RALYL: variants seen among roughly 807,000 people sequenced by gnomAD.
The protein encoded by RALYL is RNA-binding Raly-like protein.
RALYL carries 29 observed loss-of-function variants against 35.1 expected under a neutral mutation model. That is an observed-to-expected ratio of 0.83 (90% CI 0.61 to 1.13). The LOEUF is 1.13. Ranked by LOEUF, RALYL falls within the 50% of genes most tolerant of loss-of-function variation. The pLI is 0.00. For missense variants in RALYL, 359 were observed against 360.4 expected (o/e 1.00, Z 0.03); for synonymous variants, 120 against 127.6 (o/e 0.94, Z 0.40).
intron 2 of RALYL, among the ~76,000 whole-genome samples, chr8:84,762,351 T>A (rs1322239149): frequency 1.3e-5 from 2 of 152,198 alleles, no homozygotes; most frequent in Non-Finnish European, 2.9e-5. Context: ...ATCTTAGATC[T>A]TTTGTATTTC....
intron 1 of RALYL, among the ~76,000 whole-genome samples, chr8:84,404,806 T>A (rs540475020): frequency 1.7e-4 from 26 of 152,000 alleles, no homozygotes; most frequent in African/African-American, 5.8e-4. Context: ...GGTCCAGAAG[T>A]TTTTTTTGGC....
intron 1 of RALYL, among the ~76,000 whole-genome samples, chr8:84,304,105 AG>A (rs1190023376): frequency 6.6e-6 from 1 of 151,772 alleles, no homozygotes; most frequent in Non-Finnish European, 1.5e-5. Context: ...TATTTTTTAA[AG>A]TTTTGTTTGT....
intron 4 of RALYL, among the ~76,000 whole-genome samples, chr8:84,825,782 C>G (rs537250920): frequency 6.6e-6 from 1 of 152,054 alleles, no homozygotes. Context: ...GCAGGAGAAC[C>G]GCTTGAACCC....
At chr8:84,295,043 T>C (rs888646121) in intron 1 of RALYL, among the ~76,000 whole-genome samples, 6 of 152,110 alleles carry the variant, frequency 3.9e-5, no homozygotes, top group African/African-American at 1.4e-4. Context: ...TCCCCAGATA[T>C]TACCTACAGA....
intron 1 of RALYL, among the ~76,000 whole-genome samples, chr8:84,198,128 C>A (rs1026789852): frequency 2.0e-5 from 3 of 152,056 alleles, no homozygotes; most frequent in African/African-American, 7.2e-5. Context: ...TTTTGAGGAA[C>A]TTTCACTACA....
At chr8:84,189,290 C>A (rs938944466) in intron 1 of RALYL, among the ~76,000 whole-genome samples, 5 of 152,172 alleles carry the variant, frequency 3.3e-5, no homozygotes, top group African/African-American at 1.2e-4. Context: ...TTCCATTTAA[C>A]TCACTAATAT....
chr8:84,218,148 A>G (rs1475147881), intron 1 of RALYL, among the ~76,000 whole-genome samples: 3 of 152,102 alleles, frequency 2.0e-5, no homozygotes, highest in Admixed American at 2.0e-4. Flanking sequence ...ATTGTTGGCA[A>G]GTAGAGAGAC....
chr8:84,734,821 T>G (rs1208012348), intron 2 of RALYL, among the ~76,000 whole-genome samples: 2 of 151,602 alleles, frequency 1.3e-5, no homozygotes, highest in Non-Finnish European at 1.5e-5. Context: ...AGTAAAGGAG[T>G]TATGATAAGG....
At chr8:84,248,913 C>A (rs1314404815) in intron 1 of RALYL, among the ~76,000 whole-genome samples, 2 of 151,992 alleles carry the variant, frequency 1.3e-5, no homozygotes, top group Non-Finnish European at 2.9e-5. Context: ...TGAAATACCT[C>A]AAACATAAAT....
chr8:84,197,691 G>C (rs1586096261), intron 1 of RALYL, among the ~76,000 whole-genome samples: 1 of 151,926 alleles, frequency 6.6e-6, no homozygotes, highest in East Asian at 1.9e-4. Flanking sequence ...CTCTCAGGGA[G>C]GCAAGAGGCG....
intron 4 of RALYL, among the ~76,000 whole-genome samples, chr8:84,836,925 C>T (rs1832138467): frequency 6.6e-6 from 1 of 152,166 alleles, no homozygotes; most frequent in Non-Finnish European, 1.5e-5. Context: ...AGAATAATCT[C>T]CATAAAACAT....
At chr8:84,899,139 CTTTTA>C (rs1415571453) in intron 8 of RALYL, among the ~76,000 whole-genome samples, 1 of 152,106 alleles carries the variant, frequency 6.6e-6, no homozygotes, top group Non-Finnish European at 1.5e-5. Flanking sequence ...CCCATTCTAC[CTTTTA>C]TTTTGTCTGT....
intron 3 of RALYL, among the ~76,000 whole-genome samples, chr8:84,800,007 T>C (rs192746215): frequency 6.6e-6 from 1 of 152,222 alleles, no homozygotes; most frequent in Admixed American, 6.5e-5. Flanking sequence ...GTAAATTTAG[T>C]TTGAGATATG....
At chr8:84,551,003 A>AT (rs1198056152) in intron 2 of RALYL, among the ~76,000 whole-genome samples, 1 of 152,064 alleles carries the variant, frequency 6.6e-6, no homozygotes, top group Non-Finnish European at 1.5e-5. Context: ...CATAAACAAG[A>AT]TTTTTTAAGG....
At chr8:84,572,791 A>G (rs568927886) in intron 2 of RALYL, among the ~76,000 whole-genome samples, 2 of 151,934 alleles carry the variant, frequency 1.3e-5, no homozygotes, top group South Asian at 4.1e-4. Context: ...ATTTTGAATA[A>G]TAATGTACTT....
chr8:84,422,465 G>T (rs1287585028), intron 1 of RALYL, among the ~76,000 whole-genome samples: 10 of 112,154 alleles, frequency 8.9e-5, no homozygotes, highest in South Asian at 3.4e-4. Context: ...CTTGCTAGCG[G>T]TCTATCAATT....
At chr8:84,782,221 A>G (rs1028917916) in intron 3 of RALYL, among the ~76,000 whole-genome samples, 1 of 152,204 alleles carries the variant, frequency 6.6e-6, no homozygotes, top group African/African-American at 2.4e-5. Flanking sequence ...AGATCTACAG[A>G]CTAGGCCTTC....
intron 1 of RALYL, among the ~76,000 whole-genome samples, chr8:84,476,079 A>G (rs2053375603): frequency 6.6e-6 from 1 of 152,176 alleles, no homozygotes; most frequent in South Asian, 2.1e-4. Context: ...AAGTCCTACA[A>G]CTTACAGTCT....
intron 1 of RALYL, among the ~76,000 whole-genome samples, chr8:84,327,868 A>T (rs1034794323): frequency 6.6e-6 from 1 of 152,174 alleles, no homozygotes; most frequent in Non-Finnish European, 1.5e-5. Flanking sequence ...CTATGCTTAG[A>T]AATTAGAATG....
Sources: gnomAD v4.1 joint callset for allele counts (sites outside exome capture counted in the v4.1 genomes callset) on GRCh38, gnomAD v4.1.1 for gene constraint, MANE v1.5 for transcripts, NCBI Gene and HGNC (gene_info 2026-07-23, HGNC 2026-07-21) for gene names.